The following GRIN2A variants were observed in gnomAD, a reference collection of about 807,000 sequenced individuals.
GRIN2A encodes the protein glutamate ionotropic receptor NMDA type subunit 2A, also known as glutamate receptor ionotropic, NMDA 2A.
Under a neutral mutation model 113.4 loss-of-function variants are expected in GRIN2A, and 22 were observed. The observed-to-expected ratio is 0.19, with a 90% CI of 0.14 to 0.28. The LOEUF is 0.28. Ranked by LOEUF, GRIN2A falls within the 10% of genes least tolerant of loss-of-function variation. The probability of loss-of-function intolerance (pLI) is 1.00; values close to 1 mark genes in which losing one functional copy is unlikely to be tolerated. For missense variants in GRIN2A, 1,502 were observed against 1,887.0 expected (o/e 0.80, Z 3.78); for synonymous variants, 827 against 738.4 (o/e 1.12, Z -1.94).
chr16:9,925,489 C>T (rs957860905), intron 3 of GRIN2A, among the ~76,000 whole-genome samples: 10 of 152,184 alleles, frequency 6.6e-5, no homozygotes, highest in African/African-American at 2.4e-4. Context: ...TTCTCAGGTA[C>T]TCTCTCCTAT....
intron 4 of GRIN2A, among the ~76,000 whole-genome samples, chr16:9,883,349 C>T (rs1318048271): frequency 6.6e-6 from 1 of 152,198 alleles, no homozygotes; most frequent in Non-Finnish European, 1.5e-5. Flanking sequence ...ATGAAAGGAA[C>T]AGACCTTCCC....
intron 2 of GRIN2A, among the ~76,000 whole-genome samples, chr16:10,047,421 A>G (rs2047281120): frequency 6.6e-6 from 1 of 152,254 alleles, no homozygotes; most frequent in Non-Finnish European, 1.5e-5. Flanking sequence ...CTGGCAAACA[A>G]TTAGTACCCA....
intron 4 of GRIN2A, among the ~76,000 whole-genome samples, chr16:9,867,786 T>C (rs2043186026): frequency 6.6e-6 from 1 of 152,116 alleles, no homozygotes; most frequent in African/African-American, 2.4e-5. Flanking sequence ...CACATCTGAC[T>C]TGTCTTTCCT....
At position 9,756,063 on chromosome 16, in the gene GRIN2A, A is replaced by G. The variant is rs1900338688; in HGVS notation, c.*7086T>C. 4.5e-6 allele frequency: 1 copy of G among 224,036 alleles called. No homozygotes were observed. The highest frequency in any genetic ancestry group is 1.8e-4 in the South Asian group (1 of 5,466). The allele number at this position is 224,036 out of a possible 1,614,324, so 13.9% of individuals were successfully genotyped here. A position where few individuals can be genotyped will look rare whatever the true frequency, so the allele number is the denominator to read the frequency against. Reference sequence around the variant, plus strand: ...AGGAGGAATAGTCAACTTGCAAATAATATCACCTCTTTGAACATGGGTCAC... The same window carrying G: ...AGGAGGAATAGTCAACTTGCAAATAGTATCACCTCTTTGAACATGGGTCAC... On this transcript the variant is annotated 3_prime_UTR_variant, in exon 13 of 13. Transcript: ENST00000330684.
At position 9,971,631 on chromosome 16, in the gene GRIN2A, T is replaced by C. The variant is rs940774896; in HGVS notation, c.415-33080A>G. 4.6e-5 allele frequency among the ~76,000 whole-genome samples: 7 copies of C among 152,208 alleles called. No individual in the cohort carries two copies. The East Asian group carries it at 5.8e-4, about 13-fold the overall frequency. On this transcript the variant is annotated intron_variant, in intron 2 of 12. Transcript: ENST00000330684. ...AAGAAAATGAGATGGCTGAAGATGA[T>C]GACATGTCAGTCTAACTTTACCATA... is the stretch of plus-strand genomic sequence containing the variant.
At chr16:9,864,469 G>A (rs941033354) in intron 4 of GRIN2A, among the ~76,000 whole-genome samples, 2 of 151,996 alleles carry the variant, frequency 1.3e-5, no homozygotes, top group African/African-American at 4.8e-5. Flanking sequence ...GTGGTAAAAT[G>A]TGGGGCTGAG....
intron 2 of GRIN2A, chr16:9,943,165 A>T (rs1002249642): frequency 6.6e-6 from 1 of 152,114 alleles, no homozygotes; most frequent in African/African-American, 2.4e-5. Flanking sequence ...TATTTTTCGG[A>T]TTCTACATAT....
chr16:9,856,739 T>C (rs1340708896), intron 4 of GRIN2A, among the ~76,000 whole-genome samples: 1 of 152,064 alleles, frequency 6.6e-6, no homozygotes, highest in Non-Finnish European at 1.5e-5. Context: ...ATGAATAACA[T>C]GCTACTTTTA....
chr16:10,177,194 A>G (rs1485541291), intron 2 of GRIN2A, among the ~76,000 whole-genome samples: 3 of 152,210 alleles, frequency 2.0e-5, no homozygotes, highest in African/African-American at 7.2e-5. Flanking sequence ...CCATCTATAT[A>G]TGTTACTAAT....
intron 2 of GRIN2A, among the ~76,000 whole-genome samples, chr16:10,164,000 G>A (rs997575778): frequency 6.6e-6 from 1 of 152,208 alleles, no homozygotes; most frequent in Non-Finnish European, 1.5e-5. Flanking sequence ...TATGGCTTAA[G>A]GCAACCTAAT....
chr16:9,931,321 GACC>G (rs933600882), intron 3 of GRIN2A, among the ~76,000 whole-genome samples: 1 of 152,030 alleles, frequency 6.6e-6, no homozygotes, highest in African/African-American at 2.4e-5. Flanking sequence ...TGATGATGAT[GACC>G]ACAATAATAA....
chr16:10,146,276 C>T (rs550760715), intron 2 of GRIN2A, among the ~76,000 whole-genome samples: 28 of 152,262 alleles, frequency 1.8e-4, no homozygotes, highest in African/African-American at 5.8e-4. Flanking sequence ...TGCTACCACG[C>T]CCGACTAATT....
chr16:10,150,817 T>A (rs2049552930), intron 2 of GRIN2A, among the ~76,000 whole-genome samples: 1 of 152,188 alleles, frequency 6.6e-6, no homozygotes, highest in South Asian at 2.1e-4. Flanking sequence ...TACCTAAAAT[T>A]AACTTATATG....
intron 2 of GRIN2A, among the ~76,000 whole-genome samples, chr16:10,030,795 C>G (rs1049904683): frequency 6.6e-6 from 1 of 152,096 alleles, no homozygotes; most frequent in Admixed American, 6.5e-5. Flanking sequence ...AAATAGTTAT[C>G]GACAGCTACA....
At chr16:9,872,293 C>T (rs930245151) in intron 4 of GRIN2A, among the ~76,000 whole-genome samples, 1 of 152,188 alleles carries the variant, frequency 6.6e-6, no homozygotes, top group Non-Finnish European at 1.5e-5. Flanking sequence ...CCAAACAGCT[C>T]AGCTCCTAAC....
At chr16:9,881,967 G>A (rs1596535187) in intron 4 of GRIN2A, among the ~76,000 whole-genome samples, 3 of 152,244 alleles carry the variant, frequency 2.0e-5, no homozygotes, top group Admixed American at 2.0e-4. Context: ...GTGCGGAGAA[G>A]CCAAGAACAA....
intron 2 of GRIN2A, among the ~76,000 whole-genome samples, chr16:10,122,061 C>T (rs571343028): frequency 9.0e-4 from 137 of 152,300 alleles, no homozygotes; most frequent in African/African-American, 3.2e-3. Flanking sequence ...AGGGATCCCA[C>T]TGAAGTTTAT....
At chr16:9,808,934 A>G (rs2042033922) in intron 10 of GRIN2A, among the ~76,000 whole-genome samples, 1 of 152,008 alleles carries the variant, frequency 6.6e-6, no homozygotes, top group South Asian at 2.1e-4. Context: ...GTCTAGTGAG[A>G]AGAAAATGCT....
intron 2 of GRIN2A, among the ~76,000 whole-genome samples, chr16:10,146,022 G>C (rs929968105): frequency 6.6e-6 from 1 of 152,216 alleles, no homozygotes; most frequent in Admixed American, 6.5e-5. Context: ...CTTACTCAGA[G>C]ACAGCTATAG....
Sources: gnomAD v4.1 joint callset for allele counts (sites outside exome capture counted in the v4.1 genomes callset) on GRCh38, gnomAD v4.1.1 for gene constraint, MANE v1.5 for transcripts, NCBI Gene and HGNC (gene_info 2026-07-23, HGNC 2026-07-21) for gene names.